GPR35: variants seen among roughly 807,000 people sequenced by gnomAD.
GPR35 encodes KYNA receptor.
For synonymous variants in GPR35, 207 were observed against 198.4 expected (o/e 1.04, Z -0.36); for missense variants, 372 against 422.5 (o/e 0.88, Z 1.05).
chr2:240,623,677 G>A (rs1223358471), upstream of GPR35, among the ~76,000 whole-genome samples: 1 of 152,128 alleles, frequency 6.6e-6, no homozygotes, highest in Non-Finnish European at 1.5e-5. Flanking sequence ...TGCCTGCGGA[G>A]ACAGCCAAGG....
chr2:240,608,449 T>C (rs1477742055), intron 2 of GPR35, among the ~76,000 whole-genome samples: 1 of 152,238 alleles, frequency 6.6e-6, no homozygotes, highest in Non-Finnish European at 1.5e-5. Context: ...CTTCTCTTTC[T>C]AGTTTGCCGA....
Position 240,632,468 on chromosome 2 carries a change from G to C in GPR35, c.*1586G>C, listed in dbSNP as rs1220557912. Among the ~76,000 whole-genome samples the C allele has an allele frequency of 6.6e-6, 1 of 150,384 alleles. No individual in the cohort carries two copies. Among genetic ancestry groups the C allele is most frequent in the Non-Finnish European group, 1.5e-5 (1 of 67,622 alleles). Reference sequence around the variant, plus strand: ...CCATTACCAGAAGGGCCCATGTCAAGGAGCGTTCATGCCCAGGAAGGTCCA... The same window carrying C: ...CCATTACCAGAAGGGCCCATGTCAACGAGCGTTCATGCCCAGGAAGGTCCA... On this transcript the variant is annotated 3_prime_UTR_variant, in exon 2 of 2. Coordinates refer to ENST00000407714, the MANE Select transcript of GPR35 (RefSeq NM_005301.5).
At chr2:240,624,621 T>C (rs1575467414), upstream of GPR35, among the ~76,000 whole-genome samples, 2 of 151,896 alleles carry the variant, frequency 1.3e-5, no homozygotes, top group Non-Finnish European at 2.9e-5. Flanking sequence ...ACTGAAGCTC[T>C]CCCCAGCCTA....
intron 1 of GPR35, chr2:240,629,746 G>A: frequency 4.0e-6 from 2 of 504,570 alleles, no homozygotes; most frequent in Non-Finnish European, 3.5e-6. Flanking sequence ...GATGGGAAGA[G>A]GATCTGTCCA....
At chr2:240,624,017 G>GT (rs1488731643), upstream of GPR35, among the ~76,000 whole-genome samples, 1 of 151,374 alleles carries the variant, frequency 6.6e-6, no homozygotes, top group South Asian at 2.1e-4. Flanking sequence ...GGTGGGGGGG[G>GT]TGGGGGAGCT....
intron 2 of GPR35, among the ~76,000 whole-genome samples, chr2:240,609,109 T>C (rs1174864482): frequency 6.7e-6 from 1 of 149,770 alleles, no homozygotes; most frequent in Admixed American, 6.6e-5. Flanking sequence ...ATTTGTGGAT[T>C]TTTTTTCTTT....
intron 5 of GPR35, among the ~76,000 whole-genome samples, chr2:240,619,991 C>A (rs984759885): frequency 1.3e-5 from 2 of 152,156 alleles, no homozygotes; most frequent in Non-Finnish European, 2.9e-5. Context: ...AGTTGAAGGG[C>A]CAAGGAGCAG....
chr2:240,625,544 C>T lies in GPR35; in HGVS notation c.-29C>T. 1.0e-6 allele frequency: 1 copy of T among 985,986 alleles called. No homozygotes were observed. The highest frequency in any genetic ancestry group is 1.2e-6 in the Non-Finnish European group (1 of 830,304). 61.1% of individuals were successfully genotyped at this position (985,986 alleles called of 1,614,324 possible). On this transcript the variant is annotated 5_prime_UTR_variant, in exon 1 of 2. Transcript: ENST00000407714. ...TTGGCAGCGGGGGTCACACACTCCA[C>T]CCGGGAGGCCAAAGCTGCCTGCAGG...
chr2:240,625,116 A>C (rs1447709944), upstream of GPR35: 1 of 264,682 alleles, frequency 3.8e-6, no homozygotes, highest in East Asian at 1.8e-4. Context: ...CTGACCGCAG[A>C]CCCTGGGAGG....
upstream of GPR35, among the ~76,000 whole-genome samples, chr2:240,620,684 A>C (rs1360996268): frequency 2.6e-5 from 4 of 152,108 alleles, no homozygotes; most frequent in Non-Finnish European, 4.4e-5. Context: ...GGATGGGGCC[A>C]TCACAGGAGG....
In GPR35 at chr2:240,631,418, G is replaced by A. The variant is rs896347346; in HGVS notation, c.*536G>A. On this transcript the variant is annotated 3_prime_UTR_variant, in exon 2 of 2. Transcript: ENST00000407714. The stretch of plus-strand genomic sequence containing the variant: ...CTTCCCACCCCCACCCACCTGGAGC[G>A]TGAGCAGGGGCTGTTGGAAGCTCCT... Among the ~76,000 whole-genome samples the A allele has an allele frequency of 3.9e-5, 6 of 152,146 alleles. No individual in the cohort carries two copies. The highest frequency in any genetic ancestry group is 5.9e-5 in the Non-Finnish European group (4 of 68,018).
chr2:240,616,556 A>G, intron 3 of GPR35: 1 of 764,994 alleles, frequency 1.3e-6, no homozygotes, highest in South Asian at 1.4e-5. Flanking sequence ...TCAGCAGGGC[A>G]TGCATTTCTG....
intron 2 of GPR35, among the ~76,000 whole-genome samples, chr2:240,609,039 A>G (rs1192646512): frequency 6.6e-6 from 1 of 152,150 alleles, no homozygotes; most frequent in Non-Finnish European, 1.5e-5. Context: ...TTCTTGTATT[A>G]TTCTTCTGAT....
intron 1 of GPR35, chr2:240,628,126 C>G (rs1055521656): frequency 6.6e-6 from 1 of 152,290 alleles, no homozygotes; most frequent in Admixed American, 6.5e-5. Context: ...CCCTCCCCAA[C>G]GCACAGTGCC....
upstream of GPR35, among the ~76,000 whole-genome samples, chr2:240,623,122 G>A (rs185311478): frequency 1.8e-3 from 269 of 152,346 alleles, no homozygotes; most frequent in African/African-American, 6.1e-3. Context: ...GCAGCCCCGC[G>A]GCCGGAGTCG....
intron 1 of GPR35, among the ~76,000 whole-genome samples, chr2:240,627,064 G>T (rs1342777697): frequency 6.6e-6 from 1 of 152,212 alleles, no homozygotes; most frequent in Non-Finnish European, 1.5e-5. Context: ...TCCTGGGCAG[G>T]AAGTGGAAGG....
upstream of GPR35, chr2:240,625,146 T>G (rs2043354066): frequency 3.8e-6 from 2 of 524,530 alleles, no homozygotes. Flanking sequence ...TGGGAAGGTT[T>G]CCGAGATGAC....
At chr2:240,622,027 C>A (rs540746215), upstream of GPR35, among the ~76,000 whole-genome samples, 1 of 150,426 alleles carries the variant, frequency 6.6e-6, no homozygotes, top group Admixed American at 6.8e-5. Flanking sequence ...CATGCACCCC[C>A]ATGCGTGGCT....
rs368412755 is a variant in GPR35, at chr2:240,617,029, C to G, written c.-452-61C>G. On this transcript the variant is annotated intron_variant, in intron 3 of 5. Coordinates refer to the GPR35 transcript ENST00000319838. ...ATCTTAGCTGAGCCTTCTGATGAGACTGCAGCCCCAGCTGACACCTGGATT... is the reference window on the plus strand; with the variant it reads ...ATCTTAGCTGAGCCTTCTGATGAGAGTGCAGCCCCAGCTGACACCTGGATT... The G allele has an allele frequency of 2.5e-5, 19 of 747,288 alleles. No homozygotes were observed. In the African/African-American group the frequency reaches 3.2e-4, roughly 13 times the overall value. The allele number at this position is 747,288 out of a possible 1,614,324, so 46.3% of individuals were successfully genotyped here. A position where few individuals can be genotyped will look rare whatever the true frequency, so the allele number is the denominator to read the frequency against.
Sources: allele counts gnomAD v4.1 joint callset (sites outside exome capture counted in the v4.1 genomes callset), GRCh38; gene constraint gnomAD v4.1.1; transcripts MANE v1.5; gene names NCBI Gene and HGNC (gene_info 2026-07-23, HGNC 2026-07-21).